The following USP39 variants were observed in gnomAD, a reference collection of about 807,000 sequenced individuals.
USP39 encodes ubiquitin carboxyl-terminal hydrolase 39.
A neutral mutation model predicts 66.4 loss-of-function variants in USP39; 38 were observed. The ratio of observed to expected loss-of-function variants is 0.57; its 90% confidence interval spans 0.44 to 0.75. The LOEUF (loss-of-function observed/expected upper bound fraction) is 0.75. USP39 is among the 30% of genes least tolerant of loss of function. The pLI is 0.00. For synonymous variants in USP39, 303 were observed against 274.6 expected (o/e 1.10, Z -1.02); for missense variants, 608 against 714.4 (o/e 0.85, Z 1.70).
intron 1 of USP39, 37 bp downstream of exon 1, chr2:85,616,500 G>GT (rs368572821): frequency 2.0e-5 from 22 of 1,103,976 alleles, no homozygotes; most frequent in South Asian, 4.1e-5. Context: ...GCGAGAGCCT[G>GT]TTTTTTTCGC....
chr2:85,618,579 A>C (rs971317486), intron 1 of USP39, among the ~76,000 whole-genome samples: 1 of 151,662 alleles, frequency 6.6e-6, no homozygotes, highest in African/African-American at 2.4e-5. Flanking sequence ...AAAAAACAAA[A>C]AAAAAACGAA....
At chr2:85,611,954 G>A, upstream of USP39, 4 of 1,561,692 alleles carry the variant, frequency 2.6e-6, no homozygotes, top group Non-Finnish European at 3.4e-6. Context: ...TTGCAGCAGT[G>A]CCCCGGCCGG....
chr2:85,646,528 G>T (rs1676657975), intron 11 of USP39, among the ~76,000 whole-genome samples: 1 of 152,208 alleles, frequency 6.6e-6, no homozygotes, highest in Non-Finnish European at 1.5e-5. Context: ...CAGGTACTCT[G>T]CTTCAAAGCC....
upstream of USP39, chr2:85,609,699 T>C (rs1673381236): frequency 3.6e-6 from 5 of 1,377,142 alleles, no homozygotes; most frequent in Middle Eastern, 2.6e-4. Flanking sequence ...TTCTTTTTTT[T>C]GAGACGAAGT....
intron 10 of USP39, 31 bp downstream of exon 10, chr2:85,641,149 G>A: frequency 1.2e-6 from 2 of 1,608,948 alleles, no homozygotes; most frequent in African/African-American, 1.3e-5. Context: ...CTTCTCTCAC[G>A]GGGAGTGAAC....
At chr2:85,603,751 C>G (rs1017627395) in intron 1 of USP39, among the ~76,000 whole-genome samples, 1 of 152,044 alleles carries the variant, frequency 6.6e-6, no homozygotes, top group Non-Finnish European at 1.5e-5. Context: ...CGCCACCTCA[C>G]CCGGCTAATT....
chr2:85,623,489 A>G, intron 3 of USP39, 157 bp from the exon 4 acceptor site: 1 of 1,089,446 alleles, frequency 9.2e-7, no homozygotes, highest in Non-Finnish European at 1.3e-6. Context: ...TTTTTATGAG[A>G]GAACTTCATG....
rs367860636 is a variant in USP39, at chr2:85,625,598, A to G, written c.630A>G (p.Lys210=). 2.5e-6 allele frequency: 4 copies of G among 1,614,046 alleles called. No homozygotes were observed. The highest frequency in any genetic ancestry group is 3.4e-6 in the Non-Finnish European group (4 of 1,180,006). Residue 210 remains lysine, a synonymous_variant, in exon 5 of 13, where the codon AAA becomes AAG. Transcript: ENST00000323701. ...TTGCAAACTTGGACAAGCAAGCCAA[A>G]TTGTCCCGGGCATATGATGGTACCA... ...QQIANLDKQA[K]LSRAYDGTTY...
Position 85,603,748 on chromosome 2 carries a change from T to A in USP39, n.226+667T>A, listed in dbSNP as rs560271088. ...CTGGGAACTACAGGCGCCCGCCACCTCACCCGGCTAATTTTTTTGTATTTT... is the reference window on the plus strand; with the variant it reads ...CTGGGAACTACAGGCGCCCGCCACCACACCCGGCTAATTTTTTTGTATTTT... On this transcript the variant is annotated intron_variant and non_coding_transcript_variant, in intron 1 of 12. Coordinates refer to the USP39 transcript ENST00000459775. 4.6e-5 allele frequency among the ~76,000 whole-genome samples: 7 copies of A among 151,956 alleles called. No individual in the cohort carries two copies. In the South Asian group the frequency reaches 1.5e-3, roughly 32 times the overall value.
In USP39 at chr2:85,639,234, A is replaced by G; in HGVS notation, c.1127A>G (p.Asn376Ser). The G allele has an allele frequency of 6.2e-7, 1 of 1,613,282 alleles. No homozygotes were observed. The highest frequency in any genetic ancestry group is 1.7e-4 in the Middle Eastern group (1 of 6,056). ...PAEEKEQLLH[N>S]DEYQETMVES... The stretch of plus-strand genomic sequence containing the variant: ...GAAGAAAAAGAGCAGTTGCTCCATA[A>G]TGACGAGTACCAGGAGACAATGGTG... The change falls in exon 9 of 13, where the codon AAT becomes AGT. Residue 376 changes from asparagine to serine, a missense_variant. Asn to Ser is a conservative substitution (Grantham distance 46, BLOSUM62 1). This residue lies in a region of USP39 where 164 missense variants were observed against 250.3 expected (regional missense o/e 0.66). Transcript: ENST00000323701.
intron 1 of USP39, among the ~76,000 whole-genome samples, chr2:85,617,332 A>G (rs960214755): frequency 6.6e-6 from 1 of 152,192 alleles, no homozygotes; most frequent in African/African-American, 2.4e-5. Context: ...AGGCACCTCT[A>G]CTAAAGTATG....
upstream of USP39, chr2:85,611,691 T>C: frequency 6.3e-7 from 1 of 1,576,808 alleles, no homozygotes; most frequent in Non-Finnish European, 8.6e-7. Flanking sequence ...CAGGTACACC[T>C]GCAGGTCTGG....
At chr2:85,639,638 TAG>T (rs1676078737) in intron 9 of USP39, 1 of 344,580 alleles carries the variant, frequency 2.9e-6, no homozygotes. Context: ...ATATTTTTAG[TAG>T]AGACAGCATG....
chr2:85,645,216 C>T, intron 11 of USP39, 133 bp downstream of exon 11: 3 of 1,257,478 alleles, frequency 2.4e-6, no homozygotes, highest in Admixed American at 2.5e-5. Context: ...ATAGTGCTGT[C>T]AGTAGTTAGT....
chr2:85,626,794 T>C (rs141604594), intron 5 of USP39, among the ~76,000 whole-genome samples: 2,004 of 151,864 alleles, frequency 0.013, 16 homozygotes, highest in Non-Finnish European at 0.017. Flanking sequence ...CTCAGCTCAC[T>C]GCAACCTCTG....
At chr2:85,617,576 C>CTG (rs965753034) in intron 1 of USP39, among the ~76,000 whole-genome samples, 3 of 152,140 alleles carry the variant, frequency 2.0e-5, no homozygotes, top group Admixed American at 6.5e-5. Context: ...TGGCTCACAC[C>CTG]TGTAATCGCA....
chr2:85,635,583 C>T (rs1050899557), intron 6 of USP39, among the ~76,000 whole-genome samples: 13 of 152,004 alleles, frequency 8.6e-5, no homozygotes, highest in African/African-American at 2.9e-4. Context: ...GCCACTATCC[C>T]TGAAATGTCT....
intron 1 of USP39, among the ~76,000 whole-genome samples, chr2:85,618,265 C>G (rs1674151345): frequency 6.8e-6 from 1 of 147,368 alleles, no homozygotes; most frequent in African/African-American, 2.5e-5. Context: ...ACTCTTTAAA[C>G]TACGTAGTAC....
intron 2 of USP39, 140 bp downstream of exon 2, chr2:85,619,429 T>C: frequency 1.3e-6 from 1 of 793,060 alleles, no homozygotes; most frequent in Non-Finnish European, 2.0e-6. Context: ...CTTGCCATGT[T>C]ACTCCTTATT....
Sources: allele counts gnomAD v4.1 joint callset (sites outside exome capture counted in the v4.1 genomes callset), GRCh38; gene constraint gnomAD v4.1.1; regional missense constraint gnomAD v4.1.1; transcripts MANE v1.5; gene names NCBI Gene and HGNC (gene_info 2026-07-23, HGNC 2026-07-21).